The following GPC3 variants were observed in gnomAD, a reference collection of about 807,000 sequenced individuals.
GPC3 encodes glypican 3.
In GPC3, 3 loss-of-function variants were observed where a neutral mutation model predicts 34.4. The observed-to-expected ratio is 0.09, with a 90% CI of 0.04 to 0.23. The LOEUF (loss-of-function observed/expected upper bound fraction) is 0.23. Ranked by LOEUF, GPC3 falls within the 10% of genes least tolerant of loss-of-function variation. The pLI, the probability that GPC3 is intolerant of heterozygous loss-of-function variation, is 1.00. For synonymous variants in GPC3, 177 were observed against 174.0 expected (o/e 1.02, Z -0.13); for missense variants, 351 against 445.6 (o/e 0.79, Z 1.91).
At chrX:133,948,311 A>G (rs961056493) in intron 2 of GPC3, among the ~76,000 whole-genome samples, 4 of 110,876 alleles carry the variant, frequency 3.6e-5, no homozygotes, top group African/African-American at 1.3e-4. Context: ...ACCAAGGTCA[A>G]TTTTATTTAG....
chrX:133,588,714 T>TA (rs1037248125), intron 7 of GPC3, among the ~76,000 whole-genome samples: 8 of 110,433 alleles, frequency 7.2e-5, no homozygotes, highest in African/African-American at 1.3e-4. Context: ...CTTGATCCAG[T>TA]AAAAATAAAT....
At chrX:133,725,328 C>T (rs180896175) in intron 3 of GPC3, among the ~76,000 whole-genome samples, 178 of 111,385 alleles carry the variant, frequency 1.6e-3, no homozygotes, top group African/African-American at 5.3e-3. Flanking sequence ...GTTCGAGACC[C>T]GTCTGGGCAA....
At chrX:133,838,290 T>C (rs1641121856) in intron 2 of GPC3, among the ~76,000 whole-genome samples, 1 of 112,508 alleles carries the variant, frequency 8.9e-6, no homozygotes, top group South Asian at 3.7e-4. Context: ...TCATCTCCCT[T>C]TTTAAAGATG....
intron 2 of GPC3, among the ~76,000 whole-genome samples, chrX:133,809,135 C>T (rs182457327): frequency 2.7e-5 from 3 of 111,636 alleles, no homozygotes; most frequent in African/African-American, 6.5e-5. Flanking sequence ...ATCAACTATA[C>T]GAAGTGTGCA....
At chrX:133,933,498 C>A (rs1250964702) in intron 2 of GPC3, among the ~76,000 whole-genome samples, 1 of 110,857 alleles carries the variant, frequency 9.0e-6, no homozygotes, top group East Asian at 2.8e-4. Context: ...GCTGAGCTTC[C>A]CAAAGGCCTT....
At chrX:133,968,723 C>CT (rs776701336) in intron 1 of GPC3, among the ~76,000 whole-genome samples, 2,081 of 94,338 alleles carry the variant, frequency 0.022, 52 homozygotes, top group East Asian at 0.09. Flanking sequence ...GCAACCTAGG[C>CT]TTTTTTTTTT....
chrX:133,687,353 A>G (rs900136709), intron 5 of GPC3, among the ~76,000 whole-genome samples: 1 of 96,588 alleles, frequency 1.0e-5, no homozygotes, highest in Non-Finnish European at 2.1e-5. Context: ...TAAGTGCTCA[A>G]TCTGTGTGGA....
At chrX:133,695,278 A>C (rs983033871) in intron 4 of GPC3, among the ~76,000 whole-genome samples, 54 of 112,203 alleles carry the variant, frequency 4.8e-4, no homozygotes, top group Middle Eastern at 4.6e-3. Flanking sequence ...TTGGGGAATG[A>C]TAGCTAAAGG....
intron 5 of GPC3, among the ~76,000 whole-genome samples, chrX:133,672,945 C>T (rs922648642): frequency 2.0e-5 from 2 of 97,689 alleles, no homozygotes; most frequent in Admixed American, 1.2e-4. Flanking sequence ...CCACTGCACC[C>T]GACTGTTTGT....
At chrX:133,724,461 A>G (rs1018018040) in intron 3 of GPC3, among the ~76,000 whole-genome samples, 13 of 111,920 alleles carry the variant, frequency 1.2e-4, no homozygotes, top group African/African-American at 3.9e-4. Flanking sequence ...AGGAGGCTCT[A>G]TTTTTCTTTA....
chrX:133,966,873 G>A (rs903576372), intron 1 of GPC3, among the ~76,000 whole-genome samples: 2 of 112,072 alleles, frequency 1.8e-5, no homozygotes, highest in Non-Finnish European at 3.8e-5. Context: ...GTATCTGAAG[G>A]ACTGGGAAGG....
chrX:133,780,028 T>C (rs1357815593), intron 2 of GPC3, among the ~76,000 whole-genome samples: 1 of 111,670 alleles, frequency 9.0e-6, no homozygotes, highest in Non-Finnish European at 1.9e-5. Context: ...ATGGATGAAA[T>C]GAAATGGTTA....
intron 5 of GPC3, among the ~76,000 whole-genome samples, chrX:133,683,638 G>A (rs955267738): frequency 9.8e-5 from 11 of 111,959 alleles, no homozygotes; most frequent in Admixed American, 4.7e-4. Context: ...ACATATCAAT[G>A]TTGAGCCATG....
chrX:133,723,524 G>T (rs1042724163), intron 3 of GPC3, among the ~76,000 whole-genome samples: 1 of 112,208 alleles, frequency 8.9e-6, no homozygotes, highest in Non-Finnish European at 1.9e-5. Flanking sequence ...GATCTCCCAT[G>T]TTGAAAGTGA....
At chrX:133,773,176 C>A (rs1218727528) in intron 2 of GPC3, among the ~76,000 whole-genome samples, 1 of 111,468 alleles carries the variant, frequency 9.0e-6, no homozygotes, top group Non-Finnish European at 1.9e-5. Context: ...CCTGCCTCAG[C>A]CTCCCACTGG....
intron 2 of GPC3, among the ~76,000 whole-genome samples, chrX:133,782,766 T>C (rs2072061324): frequency 8.9e-6 from 1 of 111,780 alleles, no homozygotes; most frequent in Non-Finnish European, 1.9e-5. Flanking sequence ...TCCACTAGCA[T>C]TGACAAACAA....
In GPC3 at chrX:133,915,594, C is replaced by A. The variant is rs976897915; in HGVS notation, c.337+37456G>T. 8.0e-5 allele frequency among the ~76,000 whole-genome samples: 9 copies of A among 112,518 alleles called. No individual in the cohort carries two copies. The Admixed American group carries it at 8.4e-4, about 11-fold the overall frequency. On this transcript the variant is annotated intron_variant, in intron 2 of 7. Transcript: ENST00000370818. ...ACATACATTATGTTTGGTCATCATG[C>A]ATTTAACTCCCCATCAGGGGTTTCT...
rs769145687 is a variant in GPC3 at position 133,886,385 on chromosome X, C to T, written c.337+66665G>A. Among the ~76,000 whole-genome samples the T allele has an allele frequency of 2.7e-5, 3 of 109,622 alleles. No homozygotes were observed. In the East Asian group the frequency reaches 8.6e-4, roughly 31 times the overall value. ...AAAAAGGTAGGGGAGTAGAAAAGAA[C>T]TCAGGTTGGTCTGACACGAGGTAGA... On this transcript the variant is annotated intron_variant, in intron 2 of 7. Coordinates refer to ENST00000370818, the MANE Select transcript of GPC3 (RefSeq NM_004484.4).
chrX:133,680,367 A>G (rs2070928831), intron 5 of GPC3, among the ~76,000 whole-genome samples: 1 of 111,745 alleles, frequency 8.9e-6, no homozygotes, highest in Non-Finnish European at 1.9e-5. Flanking sequence ...CTGTGATTAG[A>G]AGCAAAGAGA....
Sources: gnomAD v4.1 joint callset for allele counts (sites outside exome capture counted in the v4.1 genomes callset) on GRCh38, gnomAD v4.1.1 for gene constraint, MANE v1.5 for transcripts, NCBI Gene and HGNC (gene_info 2026-07-23, HGNC 2026-07-21) for gene names.